The following PLOD1 variants were observed in gnomAD, a reference collection of about 807,000 sequenced individuals.
The protein encoded by PLOD1 is lysine hydroxylase.
Under a neutral mutation model 94.7 loss-of-function variants are expected in PLOD1, and 70 were observed. That is an observed-to-expected ratio of 0.74 (90% CI 0.61 to 0.90). The LOEUF is 0.90. Among genes scored for constraint, PLOD1 ranks in the 40% least tolerant of loss-of-function variants. The probability of loss-of-function intolerance (pLI) is 0.00; values close to 1 mark genes in which losing one functional copy is unlikely to be tolerated. For missense variants in PLOD1, 905 were observed against 972.7 expected, an observed-to-expected ratio of 0.93 and a Z score of 0.93; for synonymous variants, 417 against 400.2, an observed-to-expected ratio of 1.04 and a Z score of -0.50.
chr1:11,964,080 G>A, intron 11 of PLOD1, 95 bp from the exon 12 acceptor site: 1 of 1,291,500 alleles, frequency 7.7e-7, no homozygotes, highest in African/African-American at 1.4e-5. Flanking sequence ...CCTGCGTGCA[G>A]GTTGAGGGGC....
chr1:11,962,022 C>CA (rs1645780981), intron 10 of PLOD1, among the ~76,000 whole-genome samples: 1 of 152,196 alleles, frequency 6.6e-6, no homozygotes, highest in African/African-American at 2.4e-5. Context: ...CTCCCGAACT[C>CA]AAGTGATCCG....
chr1:11,972,583 A>C lies in PLOD1; in HGVS notation c.1903-289A>C. On this transcript the variant is annotated intron_variant, in intron 17 of 18. Transcript: ENST00000196061. This position sits in a 1 kb window ranked among gnomAD's most constrained non-coding sequence, Gnocchi z 4.6. ...CCTTTCATTTCTTCTCTTCCCTTTC[A>C]TTTCTTCTCTTCCCTTTTCCTCCCT... 5.2e-6 allele frequency: 2 copies of C among 382,004 alleles called. No individual in the cohort carries two copies. Among genetic ancestry groups the C allele is most frequent in the South Asian group, 2.6e-5 (1 of 38,522 alleles). 23.7% of individuals were successfully genotyped at this position (382,004 alleles called of 1,614,324 possible).
rs1195535094 is a variant in PLOD1 at position 11,960,675 on chromosome 1, G to C, written c.1005G>C (p.Glu335Asp). The C allele has an allele frequency of 3.1e-6, 5 of 1,613,088 alleles. No individual in the cohort carries two copies. The East Asian group carries it at 1.1e-4, about 36-fold the overall frequency. The change falls in exon 10 of 19, where the codon GAG becomes GAC. Residue 335 changes from glutamate to aspartate, a missense_variant. Glu to Asp is a conservative substitution (Grantham distance 45). Coordinates refer to ENST00000196061, the MANE Select transcript of PLOD1 (RefSeq NM_000302.4). ...AGCACCACAAGGCTCAGGTGGAAGA[G>C]TTCCTGGCACAGCATGGCAGCGAGT... Reference protein sequence around the residue: ...HEQHHKAQVEEFLAQHGSEYQ... With the variant: ...HEQHHKAQVEDFLAQHGSEYQ...
chr1:11,937,720 C>T (rs536871194), intron 1 of PLOD1, among the ~76,000 whole-genome samples: 2 of 152,148 alleles, frequency 1.3e-5, no homozygotes, highest in African/African-American at 4.8e-5. Flanking sequence ...CCAAGGAAGC[C>T]TTCACAGAGG....
chr1:11,954,252 C>T (rs1224855078), intron 5 of PLOD1: 10 of 257,650 alleles, frequency 3.9e-5, no homozygotes, highest in Non-Finnish European at 6.7e-5. Flanking sequence ...GGGGGCGGAT[C>T]ACCTGAGGTC....
At chr1:11,941,779 C>G (rs1044135120) in intron 1 of PLOD1, among the ~76,000 whole-genome samples, 1 of 152,076 alleles carries the variant, frequency 6.6e-6, no homozygotes, top group Non-Finnish European at 1.5e-5. Context: ...CCACCGCGCC[C>G]GGACTAGTAG....
chr1:11,947,833 T>A, intron 1 of PLOD1, 143 bp from the exon 2 acceptor site: 6 of 675,246 alleles, frequency 8.9e-6, no homozygotes, highest in Non-Finnish European at 1.1e-5. Context: ...CTATCATCCT[T>A]TCTTCCCTGG....
Position 11,949,844 on chromosome 1 carries a change from G to A in PLOD1, c.240G>A (p.Leu80=). ...TSAGGGQKVR[L]LKKALEKHAD... Reference sequence around the variant, plus strand: ...CAGGTGGAGGGCAGAAGGTCCGGCTGCTGAAGAAAGCTCTGGAGAAGCACG... The same window carrying A: ...CAGGTGGAGGGCAGAAGGTCCGGCTACTGAAGAAAGCTCTGGAGAAGCACG... The change falls in exon 3 of 19, where the codon CTG becomes CTA. Residue 80 remains leucine (L), a synonymous_variant. Coordinates refer to ENST00000196061, the MANE Select transcript of PLOD1 (RefSeq NM_000302.4). 1 of 1,614,122 alleles carries A rather than the reference G, an allele frequency of 6.2e-7. No individual in the cohort carries two copies. The highest frequency in any genetic ancestry group is 8.5e-7 in the Non-Finnish European group (1 of 1,179,972).
intron 1 of PLOD1, 109 bp downstream of exon 1, chr1:11,934,964 T>A: frequency 1.5e-6 from 2 of 1,334,890 alleles, no homozygotes; most frequent in Non-Finnish European, 2.0e-6. Context: ...GGAGAGGGAG[T>A]CTGGGTTCCG....
intron 1 of PLOD1, among the ~76,000 whole-genome samples, chr1:11,945,360 G>GTGAGCCA (rs1437183113): frequency 6.6e-6 from 1 of 151,962 alleles, no homozygotes; most frequent in African/African-American, 2.4e-5. Context: ...CAAGGTTGCA[G>GTGAGCCA]TGAGCCATGA....
chr1:11,956,067 A>G (rs979243772), intron 6 of PLOD1, among the ~76,000 whole-genome samples: 1 of 151,428 alleles, frequency 6.6e-6, no homozygotes, highest in African/African-American at 2.4e-5. Context: ...CAGCTGAAAT[A>G]CCCATTTTCC....
chr1:11,955,067 C>G (rs919285002), intron 6 of PLOD1, among the ~76,000 whole-genome samples, 174 bp downstream of exon 6: 2 of 152,202 alleles, frequency 1.3e-5, no homozygotes, highest in African/African-American at 4.8e-5. Flanking sequence ...TGGCGCAGAG[C>G]CATGTCTCTC....
rs2100751390 is a variant in PLOD1 at position 11,957,857 on chromosome 1, C to G, written c.757C>G (p.Leu253Val). 2 of 1,613,740 alleles carry G rather than the reference C, an allele frequency of 1.2e-6. No individual in the cohort carries two copies. Residue 253 changes from leucine (L) to valine (V), a missense_variant, in exon 8 of 19, where the codon CTG (leucine) becomes GTG (valine). Leu to Val is a conservative substitution (Grantham distance 32, BLOSUM62 1). Transcript: ENST00000196061. This position sits in a 1 kb window ranked among gnomAD's most constrained non-coding sequence, Gnocchi z 4.1. ...TCCCCGACAGCTGCAGTTGAACTAC[C>G]TGGGCAACTACATCCCGCGCTTCTG... ...NGPTKLQLNYLGNYIPRFWTF... is the reference protein window; with the variant it reads ...NGPTKLQLNYVGNYIPRFWTF...
chr1:11,958,524 T>C lies in PLOD1; in HGVS notation c.852T>C (p.Ala284=). The change falls in exon 9 of 19, where the codon GCT becomes GCC. Residue 284 remains alanine (A), a synonymous_variant. Transcript: ENST00000196061. This position sits in a 1 kb window ranked among gnomAD's most constrained non-coding sequence, Gnocchi z 4.3. ...LRSLKGIGDE[A]LPTVLVGVFI... ...CGCCCTCCCTGGTGCAGGATGAAGC[T>C]CTGCCCACGGTCCTGGTCGGCGTGT... is the stretch of plus-strand genomic sequence containing the variant. 1 of 1,613,792 alleles carries C rather than the reference T, an allele frequency of 6.2e-7. No individual in the cohort carries two copies. Among genetic ancestry groups the C allele is most frequent in the Non-Finnish European group, 8.5e-7 (1 of 1,179,946 alleles).
At chr1:11,945,465 A>G (rs968968334) in intron 1 of PLOD1, among the ~76,000 whole-genome samples, 1 of 151,234 alleles carries the variant, frequency 6.6e-6, no homozygotes, top group Non-Finnish European at 1.5e-5. Flanking sequence ...GAAAGGGGAC[A>G]CAGAGGGAGC....
chr1:11,943,848 G>T (rs144610374), intron 1 of PLOD1, among the ~76,000 whole-genome samples: 1 of 152,316 alleles, frequency 6.6e-6, no homozygotes, highest in Non-Finnish European at 1.5e-5. Flanking sequence ...TCCTGGTGCT[G>T]CTGCTTCCTA....
intron 1 of PLOD1, among the ~76,000 whole-genome samples, chr1:11,935,875 A>G (rs1645574712): frequency 6.7e-6 from 1 of 150,114 alleles, no homozygotes; most frequent in South Asian, 2.1e-4. Flanking sequence ...CGCTGGCCTC[A>G]GCCTCCCAAA....
At chr1:11,966,421 G>C (rs1645818351) in intron 15 of PLOD1, 105 bp downstream of exon 15, 1 of 569,840 alleles carries the variant, frequency 1.8e-6, no homozygotes, top group African/African-American at 2.0e-5. Context: ...CAGGATGGGA[G>C]TTGGGGGTGG....
At position 11,957,674 on chromosome 1, in the gene PLOD1, A is replaced by G. The variant is rs138957928; in HGVS notation, c.742-168A>G. Among the ~76,000 whole-genome samples, 602 of 152,278 alleles carry G rather than the reference A, an allele frequency of 4.0e-3. 8 individuals carry two copies. The highest frequency in any genetic ancestry group is 0.028 in the East Asian group (143 of 5,176). On this transcript the variant is annotated intron_variant, in intron 7 of 18. Coordinates refer to ENST00000196061, the MANE Select transcript of PLOD1 (RefSeq NM_000302.4). This position sits in a 1 kb window ranked among gnomAD's most constrained non-coding sequence, Gnocchi z 4.1. ...GCCAAGCCCTCCCCTGCCCTCTCTCAGAGCGGCTTGGTGATCTCCTGGGGA... is the reference window on the plus strand; with the variant it reads ...GCCAAGCCCTCCCCTGCCCTCTCTCGGAGCGGCTTGGTGATCTCCTGGGGA...
Sources: gnomAD v4.1 joint callset for allele counts (sites outside exome capture counted in the v4.1 genomes callset) on GRCh38, gnomAD v4.1.1 for gene constraint, Gnocchi (gnomAD v3.1) non-coding constraint, MANE v1.5 for transcripts, NCBI Gene and HGNC (gene_info 2026-07-23, HGNC 2026-07-21) for gene names.